The following ASIC2 variants were observed in gnomAD, a reference collection of about 807,000 sequenced individuals.
ASIC2 encodes acid-sensing ion channel 2.
A neutral mutation model predicts 57.3 loss-of-function variants in ASIC2; 25 were observed. That is an observed-to-expected ratio of 0.44 (90% CI 0.32 to 0.61). ASIC2 has a LOEUF of 0.61. ASIC2 is among the 20% of genes least tolerant of loss of function. The pLI is 0.06. For synonymous variants in ASIC2, 319 were observed against 307.5 expected, an observed-to-expected ratio of 1.04 and a Z score of -0.39; for missense variants, 641 against 738.1, an observed-to-expected ratio of 0.87 and a Z score of 1.52.
chr17:33,292,642 G>C lies in ASIC2; in HGVS notation c.-527C>G. ...CCCGGCCCGTAGCCCAGCGGTGCTGGGACACGGGAGAGAAGGCGCCAAGGA... is the reference window on the plus strand; with the variant it reads ...CCCGGCCCGTAGCCCAGCGGTGCTGCGACACGGGAGAGAAGGCGCCAAGGA... On this transcript the variant is annotated 5_prime_UTR_variant, in exon 1 of 10. Coordinates refer to ENST00000225823, the MANE Select transcript of ASIC2 (RefSeq NM_183377.2). The C allele has an allele frequency of 1.0e-6, 1 of 985,744 alleles. No individual in the cohort carries two copies. Among genetic ancestry groups the C allele is most frequent in the Non-Finnish European group, 1.2e-6 (1 of 830,212 alleles). 61.1% of individuals were successfully genotyped at this position (985,744 alleles called of 1,614,324 possible).
At chr17:33,381,001 A>G (rs1909468778) in intron 1 of ASIC2, among the ~76,000 whole-genome samples, 1 of 152,152 alleles carries the variant, frequency 6.6e-6, no homozygotes, top group African/African-American at 2.4e-5. Flanking sequence ...AGGGATTTGT[A>G]TTTTAAAGAA....
intron 1 of ASIC2, among the ~76,000 whole-genome samples, chr17:33,629,881 T>G (rs1161307892): frequency 6.6e-6 from 1 of 152,162 alleles, no homozygotes; most frequent in Non-Finnish European, 1.5e-5. Context: ...TGGAAATCCC[T>G]AAAGAGATTT....
At chr17:33,823,211 G>T (rs1479243673) in intron 1 of ASIC2, among the ~76,000 whole-genome samples, 1 of 152,186 alleles carries the variant, frequency 6.6e-6, no homozygotes, top group Non-Finnish European at 1.5e-5. Flanking sequence ...ATGACACAAG[G>T]CTGGTAAATA....
At chr17:33,107,989 GT>G (rs949123751) in intron 2 of ASIC2, among the ~76,000 whole-genome samples, 244 of 152,032 alleles carry the variant, frequency 1.6e-3, no homozygotes, top group Non-Finnish European at 2.7e-3. Context: ...CTTCTGGAGT[GT>G]TTTTTTTGAC....
intron 1 of ASIC2, among the ~76,000 whole-genome samples, chr17:33,852,192 C>A (rs1011561688): frequency 5.9e-5 from 9 of 152,216 alleles, no homozygotes; most frequent in African/African-American, 1.9e-4. Flanking sequence ...TTAAGGAGAA[C>A]AAGGAGAGCT....
At chr17:33,645,737 G>C (rs1188743714) in intron 1 of ASIC2, among the ~76,000 whole-genome samples, 2 of 152,024 alleles carry the variant, frequency 1.3e-5, no homozygotes, top group Non-Finnish European at 2.9e-5. Flanking sequence ...GCTATTTGCT[G>C]GTCATCTCAT....
At chr17:33,125,898 G>C (rs2092321330) in intron 1 of ASIC2, among the ~76,000 whole-genome samples, 1 of 152,268 alleles carries the variant, frequency 6.6e-6, no homozygotes, top group East Asian at 1.9e-4. Context: ...ACAGGACCAG[G>C]ACTAGGATGG....
At chr17:33,679,172 G>A (rs1330061215) in intron 1 of ASIC2, among the ~76,000 whole-genome samples, 5 of 152,146 alleles carry the variant, frequency 3.3e-5, no homozygotes, top group South Asian at 4.1e-4. Flanking sequence ...CAAATAACAC[G>A]TGTTACAGTT....
chr17:33,796,982 G>GT (rs1442857002), intron 1 of ASIC2, among the ~76,000 whole-genome samples: 1 of 152,194 alleles, frequency 6.6e-6, no homozygotes, highest in Non-Finnish European at 1.5e-5. Context: ...GAACCATGCA[G>GT]TAGGTGAGCT....
intron 1 of ASIC2, among the ~76,000 whole-genome samples, chr17:34,043,038 G>T (rs758374086): frequency 6.6e-6 from 1 of 152,114 alleles, no homozygotes; most frequent in Admixed American, 6.5e-5. Flanking sequence ...AGACACAAAA[G>T]AATACATAGT....
intron 1 of ASIC2, among the ~76,000 whole-genome samples, chr17:34,025,796 T>C (rs374937607): frequency 2.0e-4 from 30 of 152,202 alleles, no homozygotes; most frequent in African/African-American, 6.8e-4. Flanking sequence ...AATACTGCCC[T>C]CATGCATCAT....
intron 1 of ASIC2, among the ~76,000 whole-genome samples, chr17:33,459,878 C>T (rs1378091408): frequency 3.9e-5 from 6 of 152,144 alleles, no homozygotes; most frequent in South Asian, 2.1e-4. Context: ...GTGAATGGAG[C>T]GCCTCTTCTT....
chr17:33,211,055 G>T (rs1670068250), intron 1 of ASIC2, among the ~76,000 whole-genome samples: 1 of 152,198 alleles, frequency 6.6e-6, no homozygotes, highest in Non-Finnish European at 1.5e-5. Context: ...AGAAAGAGGG[G>T]ATTAATTCAT....
chr17:33,391,535 T>A (rs1478687975), intron 1 of ASIC2, among the ~76,000 whole-genome samples: 2 of 152,204 alleles, frequency 1.3e-5, no homozygotes, highest in South Asian at 4.1e-4. Context: ...TTCTTTGCCT[T>A]TGCCCTTTTC....
chr17:33,181,847 C>T (rs1371841577), intron 1 of ASIC2, among the ~76,000 whole-genome samples: 1 of 152,174 alleles, frequency 6.6e-6, no homozygotes, highest in Non-Finnish European at 1.5e-5. Context: ...ACAAAAACCA[C>T]ACCCCCAGCC....
chr17:33,140,309 C>T (rs2092382533), intron 1 of ASIC2, among the ~76,000 whole-genome samples: 1 of 152,222 alleles, frequency 6.6e-6, no homozygotes, highest in Admixed American at 6.5e-5. Flanking sequence ...AGCTTCTCTC[C>T]ACTCCCCAGT....
chr17:34,147,892 C>A (rs1904354929), intron 1 of ASIC2, among the ~76,000 whole-genome samples: 2 of 152,152 alleles, frequency 1.3e-5, no homozygotes, highest in Admixed American at 1.3e-4. Context: ...TATGGAGCAC[C>A]ACCTCTAATG....
rs142815914 is a variant in ASIC2 at position 33,854,733 on chromosome 17, T to C, written c.555+301245A>G. ...TGCCTTAATGATGTGTGTGCACAGC[T>C]GAGTCAGCTGGGGCTGAGACCTGGG... On this transcript the variant is annotated intron_variant, in intron 1 of 9. Coordinates refer to the ASIC2 transcript ENST00000359872. 1.4e-3 allele frequency among the ~76,000 whole-genome samples: 208 copies of C among 152,230 alleles called. 1 individual carries two copies. The highest frequency in any genetic ancestry group is 4.8e-3 in the African/African-American group (201 of 41,508).
chr17:33,592,545 G>A (rs1206077765), intron 1 of ASIC2, among the ~76,000 whole-genome samples: 4 of 152,206 alleles, frequency 2.6e-5, no homozygotes, highest in Non-Finnish European at 2.9e-5. Context: ...AGCACTTTGC[G>A]ATTTACAAAG....
Sources: gnomAD v4.1 joint callset for allele counts (sites outside exome capture counted in the v4.1 genomes callset) on GRCh38, gnomAD v4.1.1 for gene constraint, MANE v1.5 for transcripts, NCBI Gene and HGNC (gene_info 2026-07-23, HGNC 2026-07-21) for gene names.